Variants in LRRTM4 observed in about 807,000 individuals in gnomAD.
The protein encoded by LRRTM4 is leucine rich repeat transmembrane neuronal 4, also known as leucine-rich repeat transmembrane neuronal protein 4.
Under a neutral mutation model 47.6 loss-of-function variants are expected in LRRTM4, and 25 were observed. The ratio of observed to expected loss-of-function variants is 0.53; its 90% CI spans 0.38 to 0.73. The LOEUF is 0.73. Ranked by LOEUF, LRRTM4 falls within the 30% of genes least tolerant of loss-of-function variation. The pLI is 0.00. For missense variants in LRRTM4, 638 were observed against 713.4 expected, an observed-to-expected ratio of 0.89 and a Z score of 1.20; for synonymous variants, 311 against 269.5, an observed-to-expected ratio of 1.15 and a Z score of -1.51.
chr2:77,012,406 C>T (rs574162577), intron 3 of LRRTM4, among the ~76,000 whole-genome samples: 2 of 151,964 alleles, frequency 1.3e-5, no homozygotes, highest in East Asian at 1.9e-4. Context: ...GCCTAACAAG[C>T]GTGTATTTGT....
chr2:77,083,871 C>G (rs935558056), intron 3 of LRRTM4, among the ~76,000 whole-genome samples: 1 of 125,934 alleles, frequency 7.9e-6, no homozygotes, highest in Non-Finnish European at 1.6e-5. Flanking sequence ...ATGGTGAGAT[C>G]TGGGCTCACT....
intron 3 of LRRTM4, among the ~76,000 whole-genome samples, chr2:77,309,126 C>T (rs1677374483): frequency 6.6e-6 from 1 of 152,100 alleles, no homozygotes. Flanking sequence ...AATAGAGCAA[C>T]TTTATGACAA....
At chr2:76,897,255 C>T (rs1203886267) in intron 3 of LRRTM4, among the ~76,000 whole-genome samples, 3 of 152,030 alleles carry the variant, frequency 2.0e-5, no homozygotes, top group Non-Finnish European at 4.4e-5. Flanking sequence ...GAAAACTTAG[C>T]TCTCTGGAAA....
chr2:77,302,015 T>C (rs1006079966), intron 3 of LRRTM4, among the ~76,000 whole-genome samples: 1 of 152,178 alleles, frequency 6.6e-6, no homozygotes, highest in Non-Finnish European at 1.5e-5. Flanking sequence ...ATTTTAGACA[T>C]AGTTTCTTAG....
At chr2:77,351,753 T>C (rs1671787534) in intron 3 of LRRTM4, among the ~76,000 whole-genome samples, 1 of 151,702 alleles carries the variant, frequency 6.6e-6, no homozygotes, top group Admixed American at 6.6e-5. Flanking sequence ...TGGTAGTTAA[T>C]GTGTGTAAAG....
At chr2:77,231,616 C>T (rs573949086) in intron 3 of LRRTM4, among the ~76,000 whole-genome samples, 15 of 151,942 alleles carry the variant, frequency 9.9e-5, no homozygotes, top group African/African-American at 3.4e-4. Flanking sequence ...AATATGTTAA[C>T]CTATATAGAG....
chr2:77,080,615 C>G (rs1246760945), intron 3 of LRRTM4, among the ~76,000 whole-genome samples: 2 of 151,872 alleles, frequency 1.3e-5, no homozygotes, highest in African/African-American at 4.8e-5. Context: ...TCCAGTGGTT[C>G]AAACTAAACA....
chr2:77,063,525 CA>C (rs1573518715), intron 3 of LRRTM4, among the ~76,000 whole-genome samples: 2 of 151,932 alleles, frequency 1.3e-5, no homozygotes, highest in African/African-American at 4.8e-5. Context: ...TTAATGATAT[CA>C]ATTGTTCTAC....
intron 3 of LRRTM4, among the ~76,000 whole-genome samples, chr2:77,409,824 A>G (rs1355285716): frequency 3.3e-5 from 5 of 152,194 alleles, no homozygotes; most frequent in Non-Finnish European, 7.3e-5. Flanking sequence ...ATAGAAAATA[A>G]CAAGTATTTG....
intron 3 of LRRTM4, among the ~76,000 whole-genome samples, chr2:76,890,273 A>T (rs185925348): frequency 9.9e-5 from 15 of 152,112 alleles, no homozygotes; most frequent in African/African-American, 3.4e-4. Flanking sequence ...CAGATTCAAG[A>T]ATACTTTTAG....
chr2:77,350,227 G>A (rs1671710589), intron 3 of LRRTM4, among the ~76,000 whole-genome samples: 1 of 149,224 alleles, frequency 6.7e-6, no homozygotes, highest in South Asian at 2.1e-4. Flanking sequence ...TCGGGAGGCT[G>A]AGGCAGGAGA....
rs1440118734 is a variant in LRRTM4 at position 77,482,185 on chromosome 2, TCTCA to T, written c.1551+36129_1551+36132del. On this transcript the variant is annotated intron_variant, in intron 3 of 3. Transcript: ENST00000409884. ...CATGTTATGAATGACCATAGAGGATTCTCACTAATTTGAAGTTGCTGGTGCTTTT... is the reference window on the plus strand; with the variant it reads ...CATGTTATGAATGACCATAGAGGATTCTAATTTGAAGTTGCTGGTGCTTTT... Among the ~76,000 whole-genome samples, 7 of 145,068 alleles carry T rather than the reference TCTCA, an allele frequency of 4.8e-5. No homozygotes were observed. In the Admixed American group the frequency reaches 4.8e-4, roughly 10 times the overall value.
At chr2:76,889,102 T>C (rs1163103109) in intron 3 of LRRTM4, among the ~76,000 whole-genome samples, 1 of 111,750 alleles carries the variant, frequency 8.9e-6, no homozygotes, top group African/African-American at 2.6e-5. Context: ...ATATACTACT[T>C]CATTTCATTT....
chr2:77,129,285 A>G (rs1671733195), intron 3 of LRRTM4, among the ~76,000 whole-genome samples: 1 of 152,208 alleles, frequency 6.6e-6, no homozygotes, highest in Non-Finnish European at 1.5e-5. Context: ...CAGAGTGGTA[A>G]TCAATGATTT....
At chr2:76,816,397 C>T (rs914582084) in intron 3 of LRRTM4, among the ~76,000 whole-genome samples, 1 of 151,838 alleles carries the variant, frequency 6.6e-6, no homozygotes, top group Non-Finnish European at 1.5e-5. Flanking sequence ...TCACAAGTAT[C>T]CAAATATCTA....
intron 3 of LRRTM4, among the ~76,000 whole-genome samples, chr2:77,037,864 A>T (rs183707715): frequency 6.6e-6 from 1 of 151,818 alleles, no homozygotes; most frequent in Admixed American, 6.6e-5. Context: ...ATATTAATGC[A>T]CTTGGTAGGA....
At chr2:77,233,900 C>G (rs561401414) in intron 3 of LRRTM4, among the ~76,000 whole-genome samples, 1 of 152,126 alleles carries the variant, frequency 6.6e-6, no homozygotes, top group African/African-American at 2.4e-5. Flanking sequence ...CATGTTCAAG[C>G]GAGTCTCCCA....
At chr2:77,482,997 T>A (rs899802204) in intron 3 of LRRTM4, among the ~76,000 whole-genome samples, 8 of 151,380 alleles carry the variant, frequency 5.3e-5, no homozygotes, top group African/African-American at 1.7e-4. Context: ...GGCGGGCACC[T>A]GTAGTCCCAG....
At chr2:76,922,790 G>A (rs560900058) in intron 3 of LRRTM4, among the ~76,000 whole-genome samples, 36 of 151,996 alleles carry the variant, frequency 2.4e-4, no homozygotes, top group Non-Finnish European at 4.1e-4. Context: ...TATGCAAATG[G>A]TAACCAACAT....
Sources: gnomAD v4.1 joint callset for allele counts (sites outside exome capture counted in the v4.1 genomes callset) on GRCh38, gnomAD v4.1.1 for gene constraint, MANE v1.5 for transcripts, NCBI Gene and HGNC (gene_info 2026-07-23, HGNC 2026-07-21) for gene names.